Variants in THRB observed in about 807,000 individuals in gnomAD.
THRB encodes the protein thyroid hormone receptor beta.
THRB carries 12 observed loss-of-function variants against 47.8 expected under a neutral mutation model. The ratio of observed to expected loss-of-function variants is 0.25; its 90% CI spans 0.16 to 0.41. THRB has a LOEUF of 0.41. THRB is among the 10% of genes least tolerant of loss of function. The pLI, the probability that THRB is intolerant of heterozygous loss-of-function variation, is 1.00. For synonymous variants in THRB, 218 were observed against 212.2 expected (o/e 1.03, Z -0.24); for missense variants, 348 against 589.2 (o/e 0.59, Z 4.24).
At chr3:24,272,153 G>A (rs1015309716) in intron 3 of THRB, among the ~76,000 whole-genome samples, 1 of 152,118 alleles carries the variant, frequency 6.6e-6, no homozygotes, top group African/African-American at 2.4e-5. Context: ...ACCAGCCTGG[G>A]CAACACAGCG....
chr3:24,487,884 G>A (rs1434205340), intron 1 of THRB, among the ~76,000 whole-genome samples: 1 of 152,172 alleles, frequency 6.6e-6, no homozygotes, highest in African/African-American at 2.4e-5. Context: ...TATTTTCTGA[G>A]CACCTGCTTT....
rs1220563258 is a variant in THRB at position 24,254,227 on chromosome 3, A to T, written c.-42-25226T>A. 2.4e-3 allele frequency among the ~76,000 whole-genome samples: 296 copies of T among 125,078 alleles called. 13 individuals are homozygous for T. The highest frequency in any genetic ancestry group is 0.023 in the East Asian group (107 of 4,570). 82.1% of individuals were successfully genotyped at this position (125,078 alleles called of 152,430 possible). Reference sequence around the variant, plus strand: ...AAAAAAAAAAAAAAAAAAAAAAAAAAAAAAAAAAAAAAAAAAAATTAGCTG... The same window carrying T: ...AAAAAAAAAAAAAAAAAAAAAAAAATAAAAAAAAAAAAAAAAAATTAGCTG... On this transcript the variant is annotated intron_variant, in intron 3 of 10. Coordinates refer to ENST00000646209, the MANE Select transcript of THRB (RefSeq NM_001354712.2).
chr3:24,305,793 G>T (rs1468191792), intron 2 of THRB, among the ~76,000 whole-genome samples: 2 of 152,032 alleles, frequency 1.3e-5, no homozygotes, highest in East Asian at 3.9e-4. Context: ...AGGACAGAAA[G>T]GTTCAGAAAA....
intron 5 of THRB, among the ~76,000 whole-genome samples, chr3:24,163,032 G>T (rs2039109057): frequency 6.6e-6 from 1 of 152,094 alleles, no homozygotes; most frequent in African/African-American, 2.4e-5. Context: ...ATTGGAAAAT[G>T]AGGCCTACCC....
intron 1 of THRB, among the ~76,000 whole-genome samples, chr3:24,340,209 G>A (rs552590442): frequency 6.6e-6 from 1 of 152,280 alleles, no homozygotes; most frequent in African/African-American, 2.4e-5. Context: ...AAATTGCACA[G>A]AACAAACTAG....
intron 3 of THRB, among the ~76,000 whole-genome samples, chr3:24,284,447 T>C (rs9754955): frequency 0.047 from 7,050 of 149,222 alleles, 495 homozygotes; most frequent in African/African-American, 0.16. Context: ...GGATTAAAGA[T>C]TTAAACGTTA....
At chr3:24,366,734 C>T (rs2064499994) in intron 1 of THRB, among the ~76,000 whole-genome samples, 1 of 151,506 alleles carries the variant, frequency 6.6e-6, no homozygotes, top group South Asian at 2.1e-4. Flanking sequence ...AATTCTCCTG[C>T]CTCAGCCTCC....
intron 1 of THRB, among the ~76,000 whole-genome samples, chr3:24,438,310 A>G (rs559854666): frequency 6.6e-6 from 1 of 152,220 alleles, no homozygotes; most frequent in African/African-American, 2.4e-5. Flanking sequence ...CATTACAAGA[A>G]AGACATCTAG....
At chr3:24,286,870 G>C (rs554257215) in intron 3 of THRB, among the ~76,000 whole-genome samples, 2 of 152,308 alleles carry the variant, frequency 1.3e-5, no homozygotes, top group East Asian at 3.9e-4. Context: ...CCGTTAGCCT[G>C]GGCGGCATGG....
intron 1 of THRB, among the ~76,000 whole-genome samples, chr3:24,405,390 T>C (rs4858612): frequency 0.012 from 1,759 of 152,062 alleles, 37 homozygotes; most frequent in African/African-American, 0.04. Flanking sequence ...CAGAGTTTAG[T>C]AGTAGCAAAA....
At chr3:24,370,910 T>C (rs2064858413) in intron 1 of THRB, among the ~76,000 whole-genome samples, 1 of 152,188 alleles carries the variant, frequency 6.6e-6, no homozygotes. Flanking sequence ...ACTCATTCTT[T>C]AAAGAGGTTA....
At chr3:24,213,712 G>A (rs921321214) in intron 4 of THRB, among the ~76,000 whole-genome samples, 2 of 152,188 alleles carry the variant, frequency 1.3e-5, no homozygotes, top group African/African-American at 4.8e-5. Context: ...TAATTCTCAA[G>A]GATCAGGCCT....
chr3:24,392,525 T>C (rs2066651381), intron 1 of THRB, among the ~76,000 whole-genome samples: 1 of 152,142 alleles, frequency 6.6e-6, no homozygotes, highest in Non-Finnish European at 1.5e-5. Flanking sequence ...TAAGTAAAAC[T>C]ATGGACTTCA....
At chr3:24,482,129 TG>T (rs1279831841) in intron 1 of THRB, among the ~76,000 whole-genome samples, 2 of 152,232 alleles carry the variant, frequency 1.3e-5, no homozygotes, top group Non-Finnish European at 2.9e-5. Context: ...TTTGATTTCC[TG>T]CCTTTTGGAC....
At position 24,437,958 on chromosome 3, in the gene THRB, C is replaced by A. The variant is rs9837475; in HGVS notation, c.-261+56694G>T. Among the ~76,000 whole-genome samples, 4 of 151,636 alleles carry A rather than the reference C, an allele frequency of 2.6e-5. No individual in the cohort carries two copies. In the South Asian group the frequency reaches 8.4e-4, roughly 32 times the overall value. On this transcript the variant is annotated intron_variant, in intron 1 of 10. Transcript: ENST00000646209. ...TTTTGCAAGCTCTTCACAAGCAGGA[C>A]GGCATCTTAATATCTTAGCTGAGTA...
chr3:24,225,778 A>T (rs1197423341), intron 4 of THRB, among the ~76,000 whole-genome samples: 1 of 152,206 alleles, frequency 6.6e-6, no homozygotes, highest in Non-Finnish European at 1.5e-5. Flanking sequence ...AGTGATGCTT[A>T]ATTCCAGACA....
intron 1 of THRB, among the ~76,000 whole-genome samples, chr3:24,433,324 T>C (rs2070635111): frequency 6.6e-6 from 1 of 152,142 alleles, no homozygotes; most frequent in Non-Finnish European, 1.5e-5. Flanking sequence ...TGGCCCAGTA[T>C]GGTCATAAAA....
chr3:24,419,512 T>C (rs1411575885), intron 1 of THRB, among the ~76,000 whole-genome samples: 2 of 151,910 alleles, frequency 1.3e-5, no homozygotes, highest in African/African-American at 2.4e-5. Context: ...TGGCTTTGGA[T>C]CTTCCCCTTT....
chr3:24,441,847 T>A (rs1182145816), intron 1 of THRB, among the ~76,000 whole-genome samples: 2 of 152,152 alleles, frequency 1.3e-5, no homozygotes, highest in Admixed American at 6.5e-5. Context: ...CCAAAAACAT[T>A]TTTAAAAGAC....
Sources: gnomAD v4.1 joint callset for allele counts (sites outside exome capture counted in the v4.1 genomes callset) on GRCh38, gnomAD v4.1.1 for gene constraint, MANE v1.5 for transcripts, NCBI Gene and HGNC (gene_info 2026-07-23, HGNC 2026-07-21) for gene names.